RAB11FIP1: variants seen among roughly 807,000 people sequenced by gnomAD.
RAB11FIP1 encodes rab11 family-interacting protein 1.
In RAB11FIP1, 49 loss-of-function variants were observed where a neutral mutation model predicts 83.1. The observed-to-expected ratio is 0.59, with a 90% CI of 0.47 to 0.75. RAB11FIP1 has a LOEUF of 0.75. RAB11FIP1 is among the 30% of genes least tolerant of loss of function. RAB11FIP1 has a pLI of 0.00. For synonymous variants in RAB11FIP1, 670 were observed against 656.0 expected (o/e 1.02, Z -0.33); for missense variants, 1,536 against 1,598.7 (o/e 0.96, Z 0.67).
Position 37,877,258 on chromosome 8 carries a change from G to C in RAB11FIP1, c.665C>G (p.Ser222Cys). The C allele has an allele frequency of 1.2e-6, 2 of 1,614,184 alleles. No homozygotes were observed. The highest frequency in any genetic ancestry group is 1.1e-5 in the South Asian group (1 of 91,086). ...AGGCGTCTTCTGCAAATTTGACTTG[G>C]AAAGTAAGGTCTTGATCTTTGATTT... ...KKKSKIKTLLSKSNLQKTPLS... is the reference protein window; with the variant it reads ...KKKSKIKTLLCKSNLQKTPLS... The change falls in exon 2 of 6, where the codon TCC becomes TGC. Residue 222 changes from serine (S) to cysteine (C), a missense_variant. Coordinates refer to ENST00000330843, the MANE Select transcript of RAB11FIP1 (RefSeq NM_001002814.3).
chr8:37,883,794 G>A (rs1563372739), intron 1 of RAB11FIP1, among the ~76,000 whole-genome samples: 1 of 152,142 alleles, frequency 6.6e-6, no homozygotes, highest in Non-Finnish European at 1.5e-5. Context: ...CTTTCACGTA[G>A]GCCCTGAAAG....
intron 5 of RAB11FIP1, among the ~76,000 whole-genome samples, chr8:37,865,895 T>A (rs1806332624): frequency 6.6e-6 from 1 of 152,188 alleles, no homozygotes. Flanking sequence ...TTAAGATAAA[T>A]GCCTAGAATT....
At chr8:37,876,226 GAA>G (rs1806605625) in intron 2 of RAB11FIP1, among the ~76,000 whole-genome samples, 1 of 135,404 alleles carries the variant, frequency 7.4e-6, no homozygotes, top group Non-Finnish European at 1.5e-5. Flanking sequence ...AGGAAGGAAG[GAA>G]GGAAGGAAGG....
chr8:37,868,580 T>C (rs1806388385), intron 5 of RAB11FIP1, among the ~76,000 whole-genome samples: 2 of 152,346 alleles, frequency 1.3e-5, no homozygotes, highest in South Asian at 4.1e-4. Context: ...AGTCCCTCTC[T>C]ACATATTTGA....
rs1464983684 is a variant in RAB11FIP1, at chr8:37,862,932, A to G, written c.3815T>C (p.Ile1272Thr). The change falls in exon 6 of 6, where the codon ATC becomes ACC. Residue 1272 changes from isoleucine to threonine, a missense_variant. By Grantham distance (89) the Ile-to-Thr change is moderately conservative. Transcript: ENST00000330843. Reference sequence around the variant, plus strand: ...TGCTTTTTTGCCAACCTGAGTCGGGATGCGGAGGATATTGGGGGTTTCTTC... The same window carrying G: ...TGCTTTTTTGCCAACCTGAGTCGGGGTGCGGAGGATATTGGGGGTTTCTTC... The part of the protein sequence containing the change: ...VMEETPNILR[I>T]PTQVGKKAGK... 3 of 1,612,852 alleles carry G rather than the reference A, an allele frequency of 1.9e-6. No homozygotes were observed. The highest frequency in any genetic ancestry group is 2.5e-6 in the Non-Finnish European group (3 of 1,179,336).
At chr8:37,881,130 A>C (rs543718647) in intron 1 of RAB11FIP1, among the ~76,000 whole-genome samples, 1 of 152,380 alleles carries the variant, frequency 6.6e-6, no homozygotes, top group South Asian at 2.1e-4. Flanking sequence ...GACACTGCCT[A>C]CGCACAGAGA....
intron 1 of RAB11FIP1, among the ~76,000 whole-genome samples, chr8:37,884,381 A>G (rs1456299283): frequency 6.6e-6 from 1 of 151,362 alleles, no homozygotes; most frequent in Admixed American, 6.6e-5. Flanking sequence ...ATTTCTATAA[A>G]CTATATACAC....
intron 2 of RAB11FIP1, among the ~76,000 whole-genome samples, chr8:37,876,787 T>C (rs1432978777): frequency 6.6e-6 from 1 of 151,076 alleles, no homozygotes; most frequent in African/African-American, 2.4e-5. Flanking sequence ...ACTACAGGAG[T>C]ATGTCATCAC....
chr8:37,875,389 C>T (rs981890930), intron 2 of RAB11FIP1, 67 bp from the exon 3 acceptor site: 45 of 1,144,140 alleles, frequency 3.9e-5, no homozygotes, highest in Non-Finnish European at 5.6e-5. Flanking sequence ...GTAGGGGCAT[C>T]TGTCAACGTC....
intron 1 of RAB11FIP1, among the ~76,000 whole-genome samples, chr8:37,897,656 C>T (rs1807116460): frequency 6.6e-6 from 1 of 151,958 alleles, no homozygotes; most frequent in Non-Finnish European, 1.5e-5. Flanking sequence ...CAGACATCCA[C>T]CAGGATTAGG....
Position 37,866,679 on chromosome 8 carries a change from GAA to G in RAB11FIP1, c.3634-3568_3634-3567del, listed in dbSNP as rs5891217. 7.0e-3 allele frequency among the ~76,000 whole-genome samples: 1,039 copies of G among 147,976 alleles called. 6 individuals are homozygous for G. Among genetic ancestry groups the G allele is most frequent in the African/African-American group, 0.024 (959 of 40,520 alleles). On this transcript the variant is annotated intron_variant, in intron 5 of 5. Coordinates refer to ENST00000330843, the MANE Select transcript of RAB11FIP1 (RefSeq NM_001002814.3). ...GGCGCTAAAACAACAACCAAGAAAA[GAA>G]AAAAAAAAAACACTGTAGTAATGAT...
intron 1 of RAB11FIP1, among the ~76,000 whole-genome samples, chr8:37,890,273 A>C (rs1211981453): frequency 6.6e-6 from 1 of 152,182 alleles, no homozygotes; most frequent in Non-Finnish European, 1.5e-5. Flanking sequence ...GCCTCTTTAG[A>C]CCAGGCTTTC....
rs1563367272 is a variant in RAB11FIP1 at position 37,872,118 on chromosome 8, G to C, written c.2684C>G (p.Ser895Cys). 6.2e-7 allele frequency: 1 copy of C among 1,614,064 alleles called. No individual in the cohort carries two copies. The highest frequency in any genetic ancestry group is 2.2e-5 in the East Asian group (1 of 44,856). The change falls in exon 4 of 6, where the codon TCC becomes TGC. Residue 895 changes from serine to cysteine, a missense_variant. By Grantham distance (112) the Ser-to-Cys change is moderately radical. Coordinates refer to ENST00000330843, the MANE Select transcript of RAB11FIP1 (RefSeq NM_001002814.3). ...LLLPSQEESF[S>C]EVPMSEASSA... Reference sequence around the variant, plus strand: ...GCTTGCTTCACTCATGGGGACTTCGGAGAAACTCTCCTCCTGGGAGGGGAG... The same window carrying C: ...GCTTGCTTCACTCATGGGGACTTCGCAGAAACTCTCCTCCTGGGAGGGGAG...
rs1806228945 is a variant in RAB11FIP1 at position 37,861,387 on chromosome 8, T to G, written c.*1508A>C. 1 of 329,484 alleles carries G rather than the reference T, an allele frequency of 3.0e-6. No individual in the cohort carries two copies. The highest frequency in any genetic ancestry group is 5.9e-6 in the Non-Finnish European group (1 of 170,040). The allele number at this position is 329,484 out of a possible 1,614,324, so 20.4% of individuals were successfully genotyped here. ...GACTTTTAACTTTTATTAACTACAT[T>G]AAGCCCTTCACTACAATTTCCCCAG... On this transcript the variant is annotated 3_prime_UTR_variant, in exon 6 of 6. Coordinates refer to ENST00000330843, the MANE Select transcript of RAB11FIP1 (RefSeq NM_001002814.3).
In RAB11FIP1 at chr8:37,861,336, G is replaced by A. The variant is rs1331353684; in HGVS notation, c.*1559C>T. ...GAAAATGGAAAAAAAGCAACCATTT[G>A]AAGGCTGAGGCACCTGTTTTCTACT... On this transcript the variant is annotated 3_prime_UTR_variant, in exon 6 of 6. Coordinates refer to ENST00000330843, the MANE Select transcript of RAB11FIP1 (RefSeq NM_001002814.3). The A allele has an allele frequency of 2.9e-5, 7 of 240,560 alleles. No homozygotes were observed. In the Admixed American group the frequency reaches 3.7e-4, roughly 13 times the overall value. 14.9% of individuals were successfully genotyped at this position (240,560 alleles called of 1,614,324 possible).
intron 1 of RAB11FIP1, among the ~76,000 whole-genome samples, chr8:37,879,248 C>T (rs1180351433): frequency 1.3e-5 from 2 of 151,616 alleles, no homozygotes; most frequent in Non-Finnish European, 2.9e-5. Context: ...GCGGAGGTTG[C>T]AGTGAGCCAA....
chr8:37,888,341 A>T (rs1200069766), intron 1 of RAB11FIP1, among the ~76,000 whole-genome samples: 1 of 152,204 alleles, frequency 6.6e-6, no homozygotes, highest in African/African-American at 2.4e-5. Context: ...TCCTAACCTC[A>T]GGTGATCCGC....
intron 5 of RAB11FIP1, among the ~76,000 whole-genome samples, chr8:37,865,388 C>T (rs574119577): frequency 2.5e-4 from 37 of 150,450 alleles, no homozygotes; most frequent in South Asian, 2.1e-4. Context: ...GACACGATCT[C>T]GGCTCACTGC....
Position 37,871,907 on chromosome 8 carries a change from G to A in RAB11FIP1, c.2895C>T (p.Val965=), listed in dbSNP as rs369685693. ...LNLSLPSIPE[V]ASDDERIDQV... ...GATCTATTCTTTCATCATCCGATGC[G>A]ACTTCAGGAATGGAAGGAAGGCTTA... Residue 965 remains valine, a synonymous_variant, in exon 4 of 6, where the codon GTC becomes GTT. Coordinates refer to ENST00000330843, the MANE Select transcript of RAB11FIP1 (RefSeq NM_001002814.3). 139 of 1,614,026 alleles carry A rather than the reference G, an allele frequency of 8.6e-5. 5 individuals are homozygous for A. The South Asian group carries it at 9.7e-4, about 11-fold the overall frequency.
Sources: gnomAD v4.1 joint callset for allele counts (sites outside exome capture counted in the v4.1 genomes callset) on GRCh38, gnomAD v4.1.1 for gene constraint, MANE v1.5 for transcripts, NCBI Gene and HGNC (gene_info 2026-07-23, HGNC 2026-07-21) for gene names.